The following FNDC3B variants were observed in gnomAD, a reference collection of about 807,000 sequenced individuals.
FNDC3B encodes the protein fibronectin type III domain containing 3B.
In FNDC3B, 12 loss-of-function variants were observed where a neutral mutation model predicts 151.5. The observed-to-expected ratio is 0.08, with a 90% CI of 0.05 to 0.13. FNDC3B has a LOEUF of 0.13. Among genes scored for constraint, FNDC3B ranks in the 10% least tolerant of loss-of-function variants. FNDC3B has a pLI of 1.00. For missense variants in FNDC3B, 1,214 were observed against 1,505.3 expected (o/e 0.81, Z 3.20); for synonymous variants, 528 against 549.0 (o/e 0.96, Z 0.54).
intron 1 of FNDC3B, among the ~76,000 whole-genome samples, chr3:172,061,435 T>G (rs1717194322): frequency 6.6e-6 from 1 of 152,026 alleles, no homozygotes; most frequent in Admixed American, 6.6e-5. Flanking sequence ...GGTTTCACCG[T>G]GTTAGCCAGG....
At chr3:172,065,065 G>A (rs897990161) in intron 1 of FNDC3B, among the ~76,000 whole-genome samples, 1 of 152,214 alleles carries the variant, frequency 6.6e-6, no homozygotes, top group African/African-American at 2.4e-5. Flanking sequence ...CTGGTGCGGT[G>A]GCTCACGCCT....
chr3:172,323,894 G>T lies in FNDC3B; in HGVS notation c.1255-5058G>T, dbSNP rs908875382. Among the ~76,000 whole-genome samples, 10 of 152,188 alleles carry T rather than the reference G, an allele frequency of 6.6e-5. 1 individual carries two copies. The highest frequency in any genetic ancestry group is 2.4e-4 in the African/African-American group (10 of 41,450). ...AGGATGAGGATGAAGCAAAGGGGAG[G>T]CAGGTGCTCATAGAGTATGTAGTAT... On this transcript the variant is annotated intron_variant, in intron 11 of 25. Coordinates refer to ENST00000415807, the MANE Select transcript of FNDC3B (RefSeq NM_022763.4).
intron 1 of FNDC3B, among the ~76,000 whole-genome samples, chr3:172,090,888 T>G (rs115943511): frequency 6.6e-6 from 1 of 152,170 alleles, no homozygotes; most frequent in South Asian, 2.1e-4. Context: ...TATAAGGGTG[T>G]ATGTGAAACA....
At chr3:172,093,828 G>T (rs920139804) in intron 1 of FNDC3B, among the ~76,000 whole-genome samples, 1 of 152,194 alleles carries the variant, frequency 6.6e-6, no homozygotes, top group East Asian at 1.9e-4. Flanking sequence ...TCAAAGGGAG[G>T]ATATCTAGGC....
At chr3:172,226,744 C>G in intron 3 of FNDC3B, 127 bp from the exon 4 acceptor site, 1 of 606,466 alleles carries the variant, frequency 1.6e-6, no homozygotes, top group Non-Finnish European at 3.0e-6. Flanking sequence ...GCAATATATA[C>G]CAACTTTTGA....
intron 11 of FNDC3B, among the ~76,000 whole-genome samples, chr3:172,327,952 T>C (rs1454800062): frequency 6.6e-6 from 1 of 152,230 alleles, no homozygotes; most frequent in Non-Finnish European, 1.5e-5. Flanking sequence ...ATCCACTCAA[T>C]GTTAGCTTAT....
At chr3:172,265,913 A>G (rs1212078153) in intron 6 of FNDC3B, among the ~76,000 whole-genome samples, 1 of 152,222 alleles carries the variant, frequency 6.6e-6, no homozygotes, top group Non-Finnish European at 1.5e-5. Flanking sequence ...TTTCTGAATT[A>G]TTTTAATGCA....
chr3:172,324,074 G>A (rs1374375423), intron 11 of FNDC3B, among the ~76,000 whole-genome samples: 2 of 152,176 alleles, frequency 1.3e-5, no homozygotes, highest in East Asian at 3.8e-4. Flanking sequence ...GATGACATCA[G>A]GGGACAGGTT....
At chr3:172,069,929 G>C (rs1487566687) in intron 1 of FNDC3B, among the ~76,000 whole-genome samples, 1 of 152,114 alleles carries the variant, frequency 6.6e-6, no homozygotes, top group Admixed American at 6.5e-5. Context: ...CCTGTGGTGT[G>C]AACACAGTGA....
At chr3:172,166,842 A>AG (rs879945080) in intron 3 of FNDC3B, among the ~76,000 whole-genome samples, 37 of 59,486 alleles carry the variant, frequency 6.2e-4, no homozygotes, top group Non-Finnish European at 1.1e-3. Context: ...GGGTGGGGGG[A>AG]GGGGGGTCCA....
intron 11 of FNDC3B, among the ~76,000 whole-genome samples, chr3:172,317,897 A>G (rs1731889858): frequency 6.6e-6 from 1 of 152,258 alleles, no homozygotes; most frequent in African/African-American, 2.4e-5. Flanking sequence ...ACTTCTGGAC[A>G]TGACATGCAG....
In FNDC3B at chr3:172,240,463, T is replaced by G. The variant is rs138628386; in HGVS notation, c.265-7070T>G. 3.3e-5 allele frequency among the ~76,000 whole-genome samples: 5 copies of G among 152,316 alleles called. No individual in the cohort carries two copies. The East Asian group carries it at 9.6e-4, about 29-fold the overall frequency. On this transcript the variant is annotated intron_variant, in intron 4 of 25. Transcript: ENST00000415807. Reference sequence around the variant, plus strand: ...AAGCATAGCAGTATTCAATAAGTATTAGTTGTATCCTGAATCCTTTTCACA... The same window carrying G: ...AAGCATAGCAGTATTCAATAAGTATGAGTTGTATCCTGAATCCTTTTCACA...
intron 3 of FNDC3B, among the ~76,000 whole-genome samples, chr3:172,190,761 TG>T: frequency 6.6e-6 from 1 of 152,302 alleles, no homozygotes; most frequent in East Asian, 1.9e-4. Flanking sequence ...CTCCACCTCC[TG>T]GGTTCAAGCG....
chr3:172,302,940 C>CAGAG (rs1560067019), intron 9 of FNDC3B: 6 of 148,156 alleles, frequency 4.0e-5, no homozygotes, highest in African/African-American at 1.3e-4. Flanking sequence ...GAGACAGAGA[C>CAGAG]AGAGAGACAA....
chr3:172,222,535 A>G (rs2108733676), intron 3 of FNDC3B, among the ~76,000 whole-genome samples: 1 of 152,338 alleles, frequency 6.6e-6, no homozygotes, highest in Admixed American at 6.5e-5. Flanking sequence ...TTTGTGGAAG[A>G]CAATTTTTCC....
At chr3:172,077,397 G>A (rs1447925385) in intron 1 of FNDC3B, among the ~76,000 whole-genome samples, 1 of 152,176 alleles carries the variant, frequency 6.6e-6, no homozygotes, top group Non-Finnish European at 1.5e-5. Flanking sequence ...CCTTAAACAT[G>A]ACATTATTCA....
Position 172,343,074 on chromosome 3 carries a change from G to T in FNDC3B, c.2035G>T (p.Val679Phe), listed in dbSNP as rs1325893325. The T allele has an allele frequency of 7.4e-6, 12 of 1,613,056 alleles. No individual in the cohort carries two copies. Among genetic ancestry groups the T allele is most frequent in the African/African-American group, 1.3e-5 (1 of 74,904 alleles). The change falls in exon 18 of 26, where the codon GTT becomes TTT. Residue 679 changes from valine (V) to phenylalanine (F), a missense_variant. Around this residue, in one of 7 missense-constraint regions of FNDC3B, gnomAD observed 380 missense variants for 420.9 expected, o/e 0.90. Transcript: ENST00000415807. ...IAPGQCRPPR[V>F]LGRPKHKEVH... Reference sequence around the variant, plus strand: ...ACCAGGTCAATGTCGACCACCGAGGGTTTTGGGTAGACCAAAGCACAAAGA... The same window carrying T: ...ACCAGGTCAATGTCGACCACCGAGGTTTTTGGGTAGACCAAAGCACAAAGA...
chr3:172,229,946 CTGG>C (rs1172641652), intron 4 of FNDC3B, among the ~76,000 whole-genome samples: 1 of 152,070 alleles, frequency 6.6e-6, no homozygotes, highest in South Asian at 2.1e-4. Flanking sequence ...GCTGGAAAAG[CTGG>C]ATATCCACAT....
In FNDC3B at chr3:172,397,889, G is replaced by A. The variant is rs1029177214; in HGVS notation, c.*414G>A. On this transcript the variant is annotated 3_prime_UTR_variant, in exon 26 of 26. Transcript: ENST00000415807. ...TCTGTATCTGTAAACATGAATCACCGTGTGTGTACTTACAGGGCTAGGATT... is the reference window on the plus strand; with the variant it reads ...TCTGTATCTGTAAACATGAATCACCATGTGTGTACTTACAGGGCTAGGATT... 6.5e-6 allele frequency: 1 copy of A among 154,000 alleles called. No homozygotes were observed. The highest frequency in any genetic ancestry group is 2.4e-5 in the African/African-American group (1 of 41,236). The allele number at this position is 154,000 out of a possible 1,614,324, so 9.5% of individuals were successfully genotyped here.
Sources: gnomAD v4.1 joint callset for allele counts (sites outside exome capture counted in the v4.1 genomes callset) on GRCh38, gnomAD v4.1.1 for gene constraint, gnomAD v4.1.1 regional missense constraint, MANE v1.5 for transcripts, NCBI Gene and HGNC (gene_info 2026-07-23, HGNC 2026-07-21) for gene names.